Variants in PLEKHA5 observed in about 807,000 individuals in gnomAD.
PLEKHA5 encodes pleckstrin homology domain-containing family A member 5.
A neutral mutation model predicts 181.9 loss-of-function variants in PLEKHA5; 55 were observed. The observed-to-expected ratio is 0.30, with a 90% CI of 0.24 to 0.38. PLEKHA5 has a LOEUF of 0.38. Among genes scored for constraint, PLEKHA5 ranks in the 10% least tolerant of loss-of-function variants. PLEKHA5 has a pLI of 1.00. For synonymous variants in PLEKHA5, 535 were observed against 529.4 expected, an observed-to-expected ratio of 1.01 and a Z score of -0.15; for missense variants, 1,432 against 1,549.5, an observed-to-expected ratio of 0.92 and a Z score of 1.27.
At chr12:19,293,551 T>C (rs1228835396) in intron 15 of PLEKHA5, among the ~76,000 whole-genome samples, 1 of 152,054 alleles carries the variant, frequency 6.6e-6, no homozygotes, top group East Asian at 1.9e-4. Context: ...ACATGGGAAA[T>C]AAAAAACTCC....
chr12:19,138,946 T>G (rs1026219874), intron 3 of PLEKHA5, among the ~76,000 whole-genome samples: 2 of 152,100 alleles, frequency 1.3e-5, no homozygotes, highest in African/African-American at 4.8e-5. Flanking sequence ...TGTTTTTTAG[T>G]ATAGCGTTAA....
intron 12 of PLEKHA5, among the ~76,000 whole-genome samples, chr12:19,286,943 CA>C (rs2152821329): frequency 7.3e-6 from 1 of 137,600 alleles, no homozygotes; most frequent in African/African-American, 2.7e-5. Context: ...CCAGGCTGGG[CA>C]ACAGAGTGAG....
chr12:19,165,184 G>A (rs2044022707), intron 3 of PLEKHA5, among the ~76,000 whole-genome samples: 2 of 152,194 alleles, frequency 1.3e-5, no homozygotes, highest in Admixed American at 6.5e-5. Flanking sequence ...ATGGGGTGGA[G>A]ATGACGATCC....
intron 23 of PLEKHA5, 66 bp downstream of exon 23, chr12:19,345,954 T>C: frequency 2.6e-6 from 2 of 755,032 alleles, no homozygotes. Flanking sequence ...TTAGAAGTAA[T>C]TGTCTTCTCT....
At chr12:19,306,831 C>A in intron 15 of PLEKHA5, 1 of 805,310 alleles carries the variant, frequency 1.2e-6, no homozygotes. Flanking sequence ...CACTGTATTC[C>A]TTGACAGAGC....
At chr12:19,238,617 C>G (rs2061823787) in intron 3 of PLEKHA5, among the ~76,000 whole-genome samples, 1 of 151,868 alleles carries the variant, frequency 6.6e-6, no homozygotes, top group African/African-American at 2.4e-5. Context: ...GGCTTTAAGT[C>G]TGTATTTTAA....
chr12:19,369,504 AC>A (rs1240383966), intron 30 of PLEKHA5, among the ~76,000 whole-genome samples, 188 bp from the exon 31 acceptor site: 1 of 151,232 alleles, frequency 6.6e-6, no homozygotes, highest in Non-Finnish European at 1.5e-5. Context: ...ACATGGTGAG[AC>A]CCCATCTCAA....
intron 15 of PLEKHA5, among the ~76,000 whole-genome samples, chr12:19,298,880 T>C (rs1311035863): frequency 6.6e-6 from 1 of 152,208 alleles, no homozygotes; most frequent in Non-Finnish European, 1.5e-5. Context: ...ACTAGGAACT[T>C]AAGGCTGGCA....
intron 20 of PLEKHA5, among the ~76,000 whole-genome samples, chr12:19,331,203 T>C (rs1315542019): frequency 6.6e-6 from 1 of 152,236 alleles, no homozygotes; most frequent in East Asian, 1.9e-4. Flanking sequence ...AGAGGCAATG[T>C]GACAGCAAAA....
intron 3 of PLEKHA5, among the ~76,000 whole-genome samples, chr12:19,173,005 CTT>C (rs71064064): frequency 6.3e-3 from 210 of 33,512 alleles, no homozygotes; most frequent in Non-Finnish European, 7.5e-3. Context: ...ATTTCCCTTT[CTT>C]TTTTTTTTTT....
At chr12:19,318,170 A>T (rs965205359) in intron 16 of PLEKHA5, among the ~76,000 whole-genome samples, 3 of 151,918 alleles carry the variant, frequency 2.0e-5, no homozygotes, top group Non-Finnish European at 2.9e-5. Context: ...TTATTCTGTC[A>T]TAAAAGCAAT....
intron 3 of PLEKHA5, among the ~76,000 whole-genome samples, chr12:19,186,047 G>A (rs527492587): frequency 7.8e-4 from 118 of 152,228 alleles, no homozygotes; most frequent in African/African-American, 2.8e-3. Flanking sequence ...CCACATACAT[G>A]TCTTAGGACT....
intron 3 of PLEKHA5, among the ~76,000 whole-genome samples, chr12:19,143,707 A>T (rs945032485): frequency 2.6e-5 from 4 of 152,120 alleles, no homozygotes; most frequent in Non-Finnish European, 4.4e-5. Context: ...ATATGTATAT[A>T]TATTTTTAAA....
chr12:19,341,643 T>A (rs1444673280), intron 21 of PLEKHA5, among the ~76,000 whole-genome samples: 2 of 152,148 alleles, frequency 1.3e-5, no homozygotes, highest in Admixed American at 6.6e-5. Context: ...TCATAGTCTT[T>A]AGGCTTATAG....
intron 31 of PLEKHA5, 50 bp downstream of exon 31, chr12:19,369,848 A>G (rs1272942628): frequency 2.7e-6 from 3 of 1,106,612 alleles, no homozygotes; most frequent in Non-Finnish European, 4.1e-6. Context: ...CTTGAATTTT[A>G]TGACTTATCT....
intron 3 of PLEKHA5, among the ~76,000 whole-genome samples, chr12:19,222,087 G>A (rs1228713658): frequency 1.3e-5 from 2 of 151,928 alleles, no homozygotes; most frequent in African/African-American, 4.8e-5. Context: ...GCAACATAAC[G>A]AGACCCCCGT....
At chr12:19,330,487 A>G (rs1284939101) in intron 20 of PLEKHA5, among the ~76,000 whole-genome samples, 2 of 152,168 alleles carry the variant, frequency 1.3e-5, no homozygotes, top group Non-Finnish European at 2.9e-5. Flanking sequence ...CAGTGTAGTC[A>G]TTAGATAGTG....
chr12:19,316,829 C>T (rs1221550294), intron 16 of PLEKHA5, among the ~76,000 whole-genome samples: 1 of 152,166 alleles, frequency 6.6e-6, no homozygotes, highest in Non-Finnish European at 1.5e-5. Flanking sequence ...TTTCCCTCAT[C>T]ATGTTATTAT....
intron 11 of PLEKHA5, 40 bp from the exon 12 acceptor site, chr12:19,283,240 C>CTGG: frequency 8.1e-7 from 1 of 1,228,742 alleles, no homozygotes; most frequent in Non-Finnish European, 1.1e-6. Flanking sequence ...GGAAAATAAC[C>CTGG]CTCCTTCATG....
Sources: allele counts gnomAD v4.1 joint callset (sites outside exome capture counted in the v4.1 genomes callset), GRCh38; gene constraint gnomAD v4.1.1; transcripts MANE v1.5; gene names NCBI Gene and HGNC (gene_info 2026-07-23, HGNC 2026-07-21).